The following MRTFB variants were observed in gnomAD, a reference collection of about 807,000 sequenced individuals.
MRTFB encodes myocardin related transcription factor B.
A neutral mutation model predicts 104.2 loss-of-function variants in MRTFB; 29 were observed. The observed-to-expected ratio is 0.28, with a 90% CI of 0.21 to 0.38. MRTFB has a LOEUF of 0.38. Among genes scored for constraint, MRTFB ranks in the 10% least tolerant of loss-of-function variants. The pLI is 1.00. For synonymous variants in MRTFB, 535 were observed against 519.5 expected, an observed-to-expected ratio of 1.03 and a Z score of -0.41; for missense variants, 1,270 against 1,341.6, an observed-to-expected ratio of 0.95 and a Z score of 0.83.
chr16:14,148,681 T>C (rs1272493799), intron 3 of MRTFB: 4 of 152,694 alleles, frequency 2.6e-5, no homozygotes, highest in Non-Finnish European at 5.9e-5. Context: ...TGTAGTCTTT[T>C]GGGAGTCAGG....
the MRTFB span, among the ~76,000 whole-genome samples, chr16:14,058,492 G>A: frequency 3.9e-5 from 6 of 152,050 alleles, no homozygotes; most frequent in Non-Finnish European, 7.4e-5. Flanking sequence ...TTCTCACAAC[G>A]ACTGTGTGAG....
At chr16:14,036,491 T>A in the MRTFB span, among the ~76,000 whole-genome samples, 1 of 148,446 alleles carries the variant, frequency 6.7e-6, no homozygotes, top group African/African-American at 2.5e-5. Flanking sequence ...TTCCATCATA[T>A]ATATGTTGAA....
rs1468185359 is a variant in MRTFB, at chr16:14,252,452, T to C, written c.2653T>C (p.Tyr885His). Reference sequence around the variant, plus strand: ...CGCCAAGACAAAAGATCCCCCCCGCTATGAGGAGGCCATCAAGCAGACACG... The same window carrying C: ...CGCCAAGACAAAAGATCCCCCCCGCCATGAGGAGGCCATCAAGCAGACACG... ...PVAKTKDPPR[Y>H]EEAIKQTRST... Residue 885 changes from tyrosine (Y) to histidine (H), a missense_variant, in exon 15 of 17, where the codon TAT becomes CAT. Around this residue, in one of 3 missense-constraint regions of MRTFB, gnomAD observed 1,144 missense variants for 1,131.5 expected, o/e 1.01. Transcript: ENST00000571589. The C allele has an allele frequency of 6.2e-7, 1 of 1,612,756 alleles. No individual in the cohort carries two copies. Among genetic ancestry groups the C allele is most frequent in the Admixed American group, 1.7e-5 (1 of 59,914 alleles).
chr16:14,176,054 C>CTAATT (rs201102623), intron 3 of MRTFB, among the ~76,000 whole-genome samples: 3,776 of 152,240 alleles, frequency 0.025, 168 homozygotes, highest in African/African-American at 0.086. Context: ...TCAAAACTCA[C>CTAATT]TATATACTTT....
At chr16:14,026,928 TGGATATCTCA>T in the MRTFB span, among the ~76,000 whole-genome samples, 1 of 152,130 alleles carries the variant, frequency 6.6e-6, no homozygotes, top group Non-Finnish European at 1.5e-5. Flanking sequence ...GTAGAACAAC[TGGATATCTCA>T]GGCATTGCTG....
At chr16:13,998,544 G>A in the MRTFB span, among the ~76,000 whole-genome samples, 1 of 152,028 alleles carries the variant, frequency 6.6e-6, no homozygotes, top group East Asian at 1.9e-4. Context: ...TACTCAGGAG[G>A]CCGAGGCAGA....
At chr16:14,204,163 A>T (rs2040840233) in intron 3 of MRTFB, among the ~76,000 whole-genome samples, 1 of 151,898 alleles carries the variant, frequency 6.6e-6, no homozygotes. Context: ...TTTGGTAGAG[A>T]CAGGGTCTCA....
chr16:14,123,934 CTT>C lies in MRTFB; in HGVS notation c.-63-16609_-63-16608del, dbSNP rs559096143. ...GTTTTTCCATTTGTTTTTGCCCTCT[CTT>C]ATTTCCTTGAGCAGTGGTTTCTAGT... is the stretch of plus-strand genomic sequence containing the variant. On this transcript the variant is annotated intron_variant, in intron 2 of 16. Transcript: ENST00000571589. Among the ~76,000 whole-genome samples, 10 of 152,230 alleles carry C rather than the reference CTT, an allele frequency of 6.6e-5. No homozygotes were observed. In the East Asian group the frequency reaches 1.4e-3, roughly 21 times the overall value.
Position 14,240,528 on chromosome 16 carries a change from G to T in MRTFB, c.1079+44G>T, listed in dbSNP as rs1338316721. 6 of 1,613,996 alleles carry T rather than the reference G, an allele frequency of 3.7e-6. No homozygotes were observed. The African/African-American group carries it at 5.3e-5, about 14-fold the overall frequency. ...TATCCTCAACGCGGGGTTTTCTGTG[G>T]TTTTTTATGAGGAACTATAAGTTAC... is the stretch of plus-strand genomic sequence containing the variant. On this transcript the variant is annotated intron_variant, in intron 10 of 16. Transcript: ENST00000571589.
In MRTFB at chr16:14,251,054, G is replaced by A. The variant is rs151271493; in HGVS notation, c.2404-808G>A. 4.1e-3 allele frequency among the ~76,000 whole-genome samples: 631 copies of A among 152,240 alleles called. 4 individuals are homozygous for A. The highest frequency in any genetic ancestry group is 0.015 in the African/African-American group (612 of 41,546). ...AGGTTGGAAGTAGAGCAGTGGCTTG[G>A]GATTATTAGCTTAGTCATGGCCATT... On this transcript the variant is annotated intron_variant, in intron 13 of 16. Coordinates refer to ENST00000571589, the MANE Select transcript of MRTFB (RefSeq NM_001308142.2).
At chr16:14,230,985 G>A (rs2042233776) in intron 8 of MRTFB, among the ~76,000 whole-genome samples, 1 of 151,660 alleles carries the variant, frequency 6.6e-6, no homozygotes, top group African/African-American at 2.4e-5. Context: ...CCTTTGTAGG[G>A]ACATGGATGA....
chr16:14,017,645 ATATG>A, the MRTFB span, among the ~76,000 whole-genome samples: 4 of 53,384 alleles, frequency 7.5e-5, no homozygotes, highest in Admixed American at 2.3e-4. Flanking sequence ...ATATATGTAT[ATATG>A]TGTGTGTGTG....
At chr16:14,205,432 T>G (rs1001453733) in intron 3 of MRTFB, among the ~76,000 whole-genome samples, 3 of 152,214 alleles carry the variant, frequency 2.0e-5, no homozygotes, top group African/African-American at 7.2e-5. Flanking sequence ...AATTGTCAAC[T>G]TGGGGTAAAT....
rs568245363 is a variant in MRTFB at position 14,175,300 on chromosome 16, C to T, written c.154+34540C>T. On this transcript the variant is annotated intron_variant, in intron 3 of 16. Coordinates refer to ENST00000571589, the MANE Select transcript of MRTFB (RefSeq NM_001308142.2). ...TTCAACACCCTTAGAAATTTCCTCA[C>T]GCCTGTTTATAATCCATTCCTCTTT... 3.9e-4 allele frequency among the ~76,000 whole-genome samples: 59 copies of T among 152,304 alleles called. 1 individual carries two copies. The highest frequency in any genetic ancestry group is 8.5e-4 in the Admixed American group (13 of 15,296).
At chr16:14,080,894 T>C (rs1057063612) in intron 2 of MRTFB, among the ~76,000 whole-genome samples, 11 of 152,240 alleles carry the variant, frequency 7.2e-5, no homozygotes, top group Admixed American at 3.3e-4. Flanking sequence ...ATTTTCGTTA[T>C]CCATTCATCT....
At chr16:14,164,122 A>T (rs1311642811) in intron 3 of MRTFB, among the ~76,000 whole-genome samples, 1 of 152,164 alleles carries the variant, frequency 6.6e-6, no homozygotes, top group African/African-American at 2.4e-5. Context: ...AAGTCACCCT[A>T]TTCTGCTGTT....
chr16:14,054,651 C>G, the MRTFB span, among the ~76,000 whole-genome samples: 1 of 152,112 alleles, frequency 6.6e-6, no homozygotes, highest in African/African-American at 2.4e-5. Context: ...TTGTTTTGGT[C>G]TATTTTCTCC....
rs2042398604 is a variant in MRTFB at position 14,234,252 on chromosome 16, C to G, written c.800C>G (p.Ser267Cys). The G allele has an allele frequency of 1.2e-6, 2 of 1,614,044 alleles. No homozygotes were observed. Among genetic ancestry groups the G allele is most frequent in the African/African-American group, 2.7e-5 (2 of 74,912 alleles). The change falls in exon 9 of 17, where the codon TCC becomes TGC. Residue 267 changes from serine (S) to cysteine (C), a missense_variant. Physicochemically the swap from Ser to Cys is moderately radical, Grantham distance 112. This residue lies in a region of MRTFB where 1,144 missense variants were observed against 1,131.5 expected (regional missense o/e 1.01). Coordinates refer to ENST00000571589, the MANE Select transcript of MRTFB (RefSeq NM_001308142.2). ...CCTGTCCTCCCCACAAACACTGTGT[C>G]CTCAGCAAAGCCTGGCCCAGCACTG... ...AAPVLPTNTVSSAKPGPALVK... is the reference protein window; with the variant it reads ...AAPVLPTNTVCSAKPGPALVK...
At chr16:14,119,881 A>G (rs117449593) in intron 2 of MRTFB, among the ~76,000 whole-genome samples, 3,563 of 152,272 alleles carry the variant, frequency 0.023, 68 homozygotes, top group Non-Finnish European at 0.042. Context: ...GTAGGGTCCT[A>G]CATTTCCTCA....
Sources: allele counts gnomAD v4.1 joint callset (sites outside exome capture counted in the v4.1 genomes callset), GRCh38; gene constraint gnomAD v4.1.1; regional missense constraint gnomAD v4.1.1; transcripts MANE v1.5; gene names NCBI Gene and HGNC (gene_info 2026-07-23, HGNC 2026-07-21).